Variants in KRIT1 observed in about 807,000 individuals in gnomAD.
KRIT1 encodes the protein KRIT1 ankyrin repeat containing.
Under a neutral mutation model 95.8 loss-of-function variants are expected in KRIT1, and 45 were observed. The ratio of observed to expected loss-of-function variants is 0.47; its 90% CI spans 0.37 to 0.60. KRIT1 has a LOEUF of 0.60. Among genes scored for constraint, KRIT1 ranks in the 20% least tolerant of loss-of-function variants. The pLI is 0.00. For synonymous variants in KRIT1, 282 were observed against 278.8 expected (o/e 1.01, Z -0.11); for missense variants, 788 against 877.5 (o/e 0.90, Z 1.29).
chr7:92,218,905 C>T lies in KRIT1; in HGVS notation c.1563+2997G>A, dbSNP rs1029811063. Among the ~76,000 whole-genome samples, 6 of 152,200 alleles carry T rather than the reference C, an allele frequency of 3.9e-5. No homozygotes were observed. The East Asian group carries it at 1.2e-3, about 29-fold the overall frequency. ...GCTTTTGTTGTCATATCTGACTCCA[C>T]TGCCTAATCCAAGGTCATGAAGATT... On this transcript the variant is annotated intron_variant, in intron 14 of 18. Transcript: ENST00000394505.
intron 14 of KRIT1, among the ~76,000 whole-genome samples, chr7:92,220,311 C>G (rs780577904): frequency 6.6e-6 from 1 of 152,108 alleles, no homozygotes; most frequent in Non-Finnish European, 1.5e-5. Context: ...CCCTTTCATT[C>G]TATTAATGTG....
At chr7:92,245,580 T>C (rs1800780631) in intron 1 of KRIT1, 1 of 151,518 alleles carries the variant, frequency 6.6e-6, no homozygotes, top group African/African-American at 2.4e-5. Flanking sequence ...TTCAACTAAA[T>C]GGGTGGGACA....
chr7:92,214,699 C>G lies in KRIT1; in HGVS notation c.1642G>C (p.Asp548His). ...NLLKGFYTAP[D>H]AKLITLASLL... is the part of the protein sequence containing the mutation. ...CTTGCCAATGTTATCAGCTTAGCAT[C>G]AGGAGCTGTATAAAAGCCCTTCAAT... The change falls in exon 15 of 19, where the codon GAT (aspartate) becomes CAT (histidine). Residue 548 changes from aspartate to histidine, a missense_variant. Physicochemically the swap from Asp to His is moderately conservative, Grantham distance 81. Around this residue, in one of 3 missense-constraint regions of KRIT1, gnomAD observed 493 missense variants for 582.3 expected, o/e 0.85. Transcript: ENST00000394505. 1 of 1,608,464 alleles carries G rather than the reference C, an allele frequency of 6.2e-7. No homozygotes were observed. Among genetic ancestry groups the G allele is most frequent in the Non-Finnish European group, 8.5e-7 (1 of 1,174,966 alleles).
chr7:92,214,502 T>C lies in KRIT1; in HGVS notation c.1730+109A>G, dbSNP rs1465570001. On this transcript the variant is annotated intron_variant, in intron 15 of 18. Transcript: ENST00000394505. ...TCATTCTATGTCTTATATTATTTAA[T>C]TCCAAACCAATGTAATGTATAAATA... The C allele has an allele frequency of 6.2e-6, 5 of 812,500 alleles. No homozygotes were observed. In the Admixed American group the frequency reaches 1.2e-4, roughly 19 times the overall value. The allele number at this position is 812,500 out of a possible 1,614,324, so 50.3% of individuals were successfully genotyped here.
chr7:92,205,450 A>C (rs879350145), intron 17 of KRIT1, among the ~76,000 whole-genome samples: 1 of 152,222 alleles, frequency 6.6e-6, no homozygotes, highest in Non-Finnish European at 1.5e-5. Context: ...CATAAGCTTC[A>C]TTATTACTTT....
At chr7:92,240,584 G>T (rs923816502) in intron 5 of KRIT1, among the ~76,000 whole-genome samples, 3 of 151,886 alleles carry the variant, frequency 2.0e-5, no homozygotes, top group African/African-American at 7.3e-5. Context: ...TTCTGAAAAG[G>T]GTCTTCTTTC....
chr7:92,245,971 T>G (rs1800921631), upstream of KRIT1: 1 of 240,646 alleles, frequency 4.2e-6, no homozygotes, highest in Non-Finnish European at 8.2e-6. Flanking sequence ...TGAAAGAGCT[T>G]CCGGGTCGGC....
At chr7:92,209,672 A>T (rs1584767726) in intron 17 of KRIT1, among the ~76,000 whole-genome samples, 1 of 152,216 alleles carries the variant, frequency 6.6e-6, no homozygotes, top group African/African-American at 2.4e-5. Context: ...AGACCTCTGT[A>T]ATGAAAACTA....
At chr7:92,228,184 G>C (rs1796583600) in intron 10 of KRIT1, among the ~76,000 whole-genome samples, 1 of 152,182 alleles carries the variant, frequency 6.6e-6, no homozygotes, top group African/African-American at 2.4e-5. Context: ...GGAAAGAACT[G>C]AAGAGATGTT....
At chr7:92,241,992 G>A (rs1799768926) in intron 4 of KRIT1, 42 bp downstream of exon 4, 2 of 1,003,808 alleles carry the variant, frequency 2.0e-6, no homozygotes, top group Non-Finnish European at 3.2e-6. Flanking sequence ...AATACAGAAT[G>A]ACATTCAATG....
At chr7:92,238,435 T>C (rs1330836129) in intron 5 of KRIT1, among the ~76,000 whole-genome samples, 3 of 152,214 alleles carry the variant, frequency 2.0e-5, no homozygotes, top group African/African-American at 7.2e-5. Flanking sequence ...GGATGCCTTC[T>C]GTGGGCAGGT....
chr7:92,221,850 C>T (rs1457549071), intron 14 of KRIT1, 52 bp downstream of exon 14: 16 of 1,512,464 alleles, frequency 1.1e-5, no homozygotes, highest in African/African-American at 1.4e-5. Flanking sequence ...ACAATAGAAA[C>T]TCAACAGATT....
intron 14 of KRIT1, among the ~76,000 whole-genome samples, chr7:92,218,736 T>G (rs757471747): frequency 2.6e-5 from 4 of 152,142 alleles, no homozygotes; most frequent in Admixed American, 6.5e-5. Context: ...CTTTATATAT[T>G]CTGGATAGTA....
At chr7:92,240,742 T>C (rs757252685) in intron 5 of KRIT1, 6 of 494,094 alleles carry the variant, frequency 1.2e-5, no homozygotes, top group Non-Finnish European at 2.2e-5. Flanking sequence ...AGTTAAAAGA[T>C]ACTTACCTAG....
At chr7:92,215,703 A>AC (rs1244949098) in intron 14 of KRIT1, among the ~76,000 whole-genome samples, 1 of 150,708 alleles carries the variant, frequency 6.6e-6, no homozygotes, top group Non-Finnish European at 1.5e-5. Context: ...CAGTCCTCTC[A>AC]CCTTGGCCTC....
chr7:92,216,346 CTA>C (rs934385566), intron 14 of KRIT1, among the ~76,000 whole-genome samples: 2 of 148,902 alleles, frequency 1.3e-5, no homozygotes, highest in Admixed American at 6.7e-5. Context: ...TTAAAATACT[CTA>C]TTATTAAATA....
Position 92,236,422 on chromosome 7 carries a change from G to A in KRIT1, c.476C>T (p.Ala159Val), listed in dbSNP as rs1798441999. The change falls in exon 7 of 19, where the codon GCC becomes GTC. Residue 159 changes from alanine (A) to valine (V), a missense_variant. Ala to Val is a moderately conservative substitution (Grantham distance 64, BLOSUM62 0). This residue lies in a region of KRIT1 where 289 missense variants were observed against 277.5 expected (regional missense o/e 1.04). Transcript: ENST00000394505. ...TAACGGCATTTCTTACTTATCCAAG[G>A]CTATTAACATCCTTGCTGTAAGTGT... ...FATLTARMLIALDKWLDERHA... is the reference protein window; with the variant it reads ...FATLTARMLIVLDKWLDERHA... 1.3e-6 allele frequency: 2 copies of A among 1,598,598 alleles called. No individual in the cohort carries two copies. The highest frequency in any genetic ancestry group is 1.7e-6 in the Non-Finnish European group (2 of 1,166,620).
chr7:92,238,633 G>A (rs1041390536), intron 5 of KRIT1, among the ~76,000 whole-genome samples: 3 of 152,194 alleles, frequency 2.0e-5, no homozygotes, highest in Admixed American at 6.5e-5. Flanking sequence ...TGTCTGGCTT[G>A]AAGTCTCGTT....
chr7:92,213,352 C>A lies in KRIT1; in HGVS notation c.1868G>T (p.Arg623Leu). Residue 623 changes from arginine (R) to leucine (L), a missense_variant, in exon 17 of 19, where the codon CGC becomes CTC. This residue lies in a region of KRIT1 where 493 missense variants were observed against 582.3 expected (regional missense o/e 0.85). Transcript: ENST00000394505. ...GVSKEMHHLQ[R>L]MFLQNCWEIP... is the part of the protein sequence containing the mutation. ...TTCCCAGCAATTCTGTAAGAACATG[C>A]GCTGAAGGTGATGCATTTCTTTACT... 1.2e-6 allele frequency: 2 copies of A among 1,613,316 alleles called. No individual in the cohort carries two copies. Among genetic ancestry groups the A allele is most frequent in the South Asian group, 1.1e-5 (1 of 91,064 alleles).
Sources: gnomAD v4.1 joint callset for allele counts (sites outside exome capture counted in the v4.1 genomes callset) on GRCh38, gnomAD v4.1.1 for gene constraint, gnomAD v4.1.1 regional missense constraint, MANE v1.5 for transcripts, NCBI Gene and HGNC (gene_info 2026-07-23, HGNC 2026-07-21) for gene names.